ZMAT5: variants seen among roughly 807,000 people sequenced by gnomAD.
ZMAT5 encodes the protein zinc finger matrin-type protein 5.
ZMAT5 carries 23 observed loss-of-function variants against 28.0 expected under a neutral mutation model. The ratio of observed to expected loss-of-function variants is 0.82; its 90% CI spans 0.59 to 1.16. The LOEUF is 1.16. Among genes scored for constraint, ZMAT5 ranks in the 50% most tolerant of loss-of-function variants. ZMAT5 has a pLI of 0.00. For missense variants in ZMAT5, 173 were observed against 212.7 expected (o/e 0.81, Z 1.16); for synonymous variants, 76 against 84.1 (o/e 0.90, Z 0.52).
intron 2 of ZMAT5, among the ~76,000 whole-genome samples, chr22:29,744,947 T>G (rs971533010): frequency 1.3e-5 from 2 of 152,242 alleles, no homozygotes; most frequent in Non-Finnish European, 2.9e-5. Flanking sequence ...CTATTGGTCC[T>G]TCTTGCTTCA....
At chr22:29,756,667 G>T (rs1203187599) in intron 1 of ZMAT5, among the ~76,000 whole-genome samples, 1 of 152,176 alleles carries the variant, frequency 6.6e-6, no homozygotes, top group African/African-American at 2.4e-5. Context: ...CCAGCACTTT[G>T]GGAGGCCAAG....
chr22:29,756,733 A>AC (rs1302988411), intron 1 of ZMAT5, among the ~76,000 whole-genome samples: 1 of 151,456 alleles, frequency 6.6e-6, no homozygotes, highest in Non-Finnish European at 1.5e-5. Context: ...ACATAGTTAG[A>AC]CCCCATCTCC....
chr22:29,764,586 C>G (rs183234087), intron 1 of ZMAT5, among the ~76,000 whole-genome samples: 2 of 152,096 alleles, frequency 1.3e-5, no homozygotes, highest in African/African-American at 4.8e-5. Flanking sequence ...TGGCAGCCTC[C>G]GCCTCCCAGG....
rs143857475 is a variant in ZMAT5, at chr22:29,742,572, T to C, written c.128-92A>G. Reference sequence around the variant, plus strand: ...GCCACAGGGGCATATGGACCCTTTATCTCGACACAGCTGTGCAGAAAGAAG... The same window carrying C: ...GCCACAGGGGCATATGGACCCTTTACCTCGACACAGCTGTGCAGAAAGAAG... On this transcript the variant is annotated intron_variant, in intron 2 of 5. Transcript: ENST00000344318. 451 of 1,154,388 alleles carry C rather than the reference T, an allele frequency of 3.9e-4. 6 individuals are homozygous for C. In the East Asian group the frequency reaches 0.011, roughly 27 times the overall value. 71.5% of individuals were successfully genotyped at this position (1,154,388 alleles called of 1,614,324 possible).
At chr22:29,735,399 G>A (rs1006771875) in intron 5 of ZMAT5, among the ~76,000 whole-genome samples, 2 of 152,222 alleles carry the variant, frequency 1.3e-5, no homozygotes, top group African/African-American at 2.4e-5. Context: ...TGGCCAGAGG[G>A]ACAATGGCCC....
At chr22:29,747,082 T>TC (rs1204056014) in intron 2 of ZMAT5, 1 of 152,018 alleles carries the variant, frequency 6.6e-6, no homozygotes, top group African/African-American at 2.4e-5. Flanking sequence ...CCATGCCTAG[T>TC]CCCCAAACCT....
At chr22:29,735,100 C>T (rs2067891867) in intron 5 of ZMAT5, among the ~76,000 whole-genome samples, 1 of 152,114 alleles carries the variant, frequency 6.6e-6, no homozygotes. Context: ...GGAATCCACC[C>T]CCTCCCATTA....
rs528502671 is a variant in ZMAT5 at position 29,731,054 on chromosome 22, C to T, written c.*171G>A. On this transcript the variant is annotated 3_prime_UTR_variant, in exon 6 of 6. Transcript: ENST00000344318. ...GGAGGAGAGTGAGGGGAGAGCTGCC[C>T]GGTGCAGACCCAGGACGAGGGCTGC... is the stretch of plus-strand genomic sequence containing the variant. 47 of 589,314 alleles carry T rather than the reference C, an allele frequency of 8.0e-5. No homozygotes were observed. Among genetic ancestry groups the T allele is most frequent in the African/African-American group, 5.2e-4 (27 of 52,266 alleles). The allele number at this position is 589,314 out of a possible 1,614,324, so 36.5% of individuals were successfully genotyped here.
chr22:29,734,830 CCCA>C (rs2067889253), intron 5 of ZMAT5, among the ~76,000 whole-genome samples: 1 of 29,972 alleles, frequency 3.3e-5, no homozygotes, highest in Non-Finnish European at 7.9e-5. Flanking sequence ...GGTCCCCCGC[CCCA>C]GCCCCAGCCC....
intron 1 of ZMAT5, 93 bp from the exon 2 acceptor site, chr22:29,748,664 C>T (rs2068031263): frequency 1.3e-6 from 2 of 1,503,630 alleles, no homozygotes; most frequent in East Asian, 2.4e-5. Context: ...GGCCTGAGCC[C>T]AGGCTTTACT....
At chr22:29,754,146 C>A (rs529073241) in intron 1 of ZMAT5, among the ~76,000 whole-genome samples, 9 of 152,240 alleles carry the variant, frequency 5.9e-5, no homozygotes, top group African/African-American at 2.2e-4. Flanking sequence ...TAAATGGCGC[C>A]CAGATACCAT....
intron 4 of ZMAT5, among the ~76,000 whole-genome samples, chr22:29,738,915 G>A (rs1424028369): frequency 6.6e-6 from 1 of 152,096 alleles, no homozygotes; most frequent in Non-Finnish European, 1.5e-5. Context: ...GGAGACTGAG[G>A]CAGGAGAATC....
At chr22:29,763,391 CAGAGAT>C in intron 1 of ZMAT5, among the ~76,000 whole-genome samples, 1 of 151,888 alleles carries the variant, frequency 6.6e-6, no homozygotes, top group Non-Finnish European at 1.5e-5. Flanking sequence ...ATCACGAGGT[CAGAGAT>C]TCAAGACCAG....
intron 5 of ZMAT5, 165 bp from the exon 6 acceptor site, chr22:29,731,519 C>T (rs1037984340): frequency 1.4e-5 from 12 of 849,436 alleles, no homozygotes; most frequent in Admixed American, 4.1e-5. Context: ...TTTGAGCCAG[C>T]GACCTCACCT....
intron 1 of ZMAT5, among the ~76,000 whole-genome samples, chr22:29,759,135 G>A (rs1418191628): frequency 6.6e-6 from 1 of 152,172 alleles, no homozygotes; most frequent in Non-Finnish European, 1.5e-5. Flanking sequence ...ACTGCGGGCT[G>A]GAGACAAGTT....
At chr22:29,739,901 T>C (rs1472227931) in intron 4 of ZMAT5, among the ~76,000 whole-genome samples, 1 of 152,150 alleles carries the variant, frequency 6.6e-6, no homozygotes, top group East Asian at 1.9e-4. Flanking sequence ...GTGAGGCCCG[T>C]AGGGGGATCA....
At position 29,740,664 on chromosome 22, in the gene ZMAT5, C is replaced by T. The variant is rs1834494339; in HGVS notation, c.257G>A (p.Ser86Asn). ...CCGAGACGTACCCTCCACCTGGATG[C>T]TCAGCTCCTGCAGGTCTCGCTCTGA... ...HMSERDLQEL[S>N]IQVEEERRAR... The change falls in exon 4 of 6, where the codon AGC becomes AAC. Residue 86 changes from serine to asparagine, a missense_variant. Transcript: ENST00000344318. The T allele has an allele frequency of 6.2e-7, 1 of 1,602,910 alleles. No individual in the cohort carries two copies. Among genetic ancestry groups the T allele is most frequent in the Non-Finnish European group, 8.5e-7 (1 of 1,175,108 alleles).
intron 1 of ZMAT5, among the ~76,000 whole-genome samples, chr22:29,763,831 A>C (rs1208602815): frequency 6.6e-6 from 1 of 152,140 alleles, no homozygotes; most frequent in Non-Finnish European, 1.5e-5. Flanking sequence ...ATGCACCTGT[A>C]GTCCCAGCTA....
At chr22:29,740,827 G>C in intron 3 of ZMAT5, 97 bp from the exon 4 acceptor site, 1 of 1,111,988 alleles carries the variant, frequency 9.0e-7, no homozygotes, top group African/African-American at 1.5e-5. Context: ...TTAGGGGCAG[G>C]ACTTCAGGGC....
Sources: allele counts gnomAD v4.1 joint callset (sites outside exome capture counted in the v4.1 genomes callset), GRCh38; gene constraint gnomAD v4.1.1; transcripts MANE v1.5; gene names NCBI Gene and HGNC (gene_info 2026-07-23, HGNC 2026-07-21).